PHF21A: variants seen among roughly 807,000 people sequenced by gnomAD.
PHF21A encodes BHC80a.
In PHF21A, 11 loss-of-function variants were observed where a neutral mutation model predicts 82.5. The ratio of observed to expected loss-of-function variants is 0.13; its 90% CI spans 0.08 to 0.22. The LOEUF (loss-of-function observed/expected upper bound fraction) is 0.22, where lower values mean the gene tolerates loss of function less well. Among genes scored for constraint, PHF21A ranks in the 10% least tolerant of loss-of-function variants. PHF21A has a pLI of 1.00. For synonymous variants in PHF21A, 297 were observed against 302.8 expected (o/e 0.98, Z 0.20); for missense variants, 579 against 837.8 (o/e 0.69, Z 3.81).
chr11:46,065,749 C>T (rs938106064), intron 6 of PHF21A, among the ~76,000 whole-genome samples: 1 of 152,196 alleles, frequency 6.6e-6, no homozygotes, highest in Non-Finnish European at 1.5e-5. Flanking sequence ...GTTGTTTAAG[C>T]GCCACTGTGT....
chr11:46,013,851 C>T (rs577496419), intron 6 of PHF21A, among the ~76,000 whole-genome samples: 13 of 151,988 alleles, frequency 8.6e-5, no homozygotes, highest in African/African-American at 2.2e-4. Flanking sequence ...AGATGAAAAA[C>T]GGTAAACCAG....
intron 3 of PHF21A, among the ~76,000 whole-genome samples, chr11:46,084,664 T>C (rs1239283955): frequency 6.9e-6 from 1 of 144,774 alleles, no homozygotes; most frequent in Non-Finnish European, 1.5e-5. Context: ...AAGAGACATA[T>C]AACAACAGAA....
intron 3 of PHF21A, among the ~76,000 whole-genome samples, chr11:46,087,617 C>G (rs1032785883): frequency 2.0e-5 from 3 of 152,096 alleles, no homozygotes; most frequent in Admixed American, 6.6e-5. Context: ...CGGAAAGAAA[C>G]AAATTACAGA....
At chr11:46,032,465 C>G (rs1347620120) in intron 6 of PHF21A, among the ~76,000 whole-genome samples, 1 of 141,120 alleles carries the variant, frequency 7.1e-6, no homozygotes, top group Non-Finnish European at 1.5e-5. Flanking sequence ...AGTGCACTCA[C>G]AAATACACCA....
At chr11:46,020,369 C>T (rs2095604287) in intron 6 of PHF21A, among the ~76,000 whole-genome samples, 1 of 152,160 alleles carries the variant, frequency 6.6e-6, no homozygotes, top group Admixed American at 6.5e-5. Context: ...AGAACTGCCA[C>T]CAAGAACCAG....
At chr11:46,105,294 C>A (rs2097141203) in intron 1 of PHF21A, among the ~76,000 whole-genome samples, 1 of 152,178 alleles carries the variant, frequency 6.6e-6, no homozygotes, top group Non-Finnish European at 1.5e-5. Flanking sequence ...AACCTTTTTA[C>A]CAAATTACTA....
intron 18 of PHF21A, chr11:45,935,008 G>A (rs778497261): frequency 6.5e-6 from 5 of 763,938 alleles, no homozygotes; most frequent in Non-Finnish European, 9.8e-6. Context: ...CAACAAGGGT[G>A]ACCTACTCAA....
intron 5 of PHF21A, among the ~76,000 whole-genome samples, chr11:46,078,339 T>C (rs1224154108): frequency 6.6e-6 from 1 of 152,230 alleles, no homozygotes; most frequent in Non-Finnish European, 1.5e-5. Flanking sequence ...GTGAAGCCTG[T>C]ATGTACTGTT....
intron 6 of PHF21A, among the ~76,000 whole-genome samples, chr11:46,047,873 C>T (rs955320311): frequency 6.6e-6 from 1 of 152,174 alleles, no homozygotes; most frequent in Non-Finnish European, 1.5e-5. Flanking sequence ...CATTATTAGG[C>T]TGGTATTCTT....
At position 45,971,890 on chromosome 11, in the gene PHF21A, C is replaced by CTTTCTTT. The variant is rs57081937; in HGVS notation, c.361-524_361-523insAAAGAAA. ...GTAAAAGGACAGTGTCTTTTTCTTT[C>CTTTCTTT]TTTTTTTTTTTTTTTATGGTGTCAC... On this transcript the variant is annotated intron_variant, in intron 7 of 18. Transcript: ENST00000676320. 5.6e-4 allele frequency among the ~76,000 whole-genome samples: 28 copies of CTTTCTTT among 50,300 alleles called. 7 individuals carry two copies. The highest frequency in any genetic ancestry group is 7.7e-4 in the Non-Finnish European group (20 of 25,832). 33.0% of individuals were successfully genotyped at this position (50,300 alleles called of 152,430 possible).
intron 6 of PHF21A, among the ~76,000 whole-genome samples, chr11:45,997,532 T>C (rs185216341): frequency 2.0e-5 from 3 of 152,318 alleles, no homozygotes; most frequent in Non-Finnish European, 2.9e-5. Flanking sequence ...GGTTTCTCAA[T>C]GTCTAGATCC....
At chr11:46,072,373 C>T (rs1288170746) in intron 6 of PHF21A, among the ~76,000 whole-genome samples, 1 of 152,162 alleles carries the variant, frequency 6.6e-6, no homozygotes, top group Non-Finnish European at 1.5e-5. Flanking sequence ...AGGGCTTGCT[C>T]TTTGTTGCTT....
intron 6 of PHF21A, among the ~76,000 whole-genome samples, chr11:45,999,980 C>T (rs1442804621): frequency 6.6e-6 from 1 of 152,186 alleles, no homozygotes; most frequent in East Asian, 1.9e-4. Flanking sequence ...ACTAAACAAC[C>T]AGCAACATCT....
At chr11:46,062,009 A>C (rs1028023399) in intron 6 of PHF21A, among the ~76,000 whole-genome samples, 1 of 152,146 alleles carries the variant, frequency 6.6e-6, no homozygotes, top group Non-Finnish European at 1.5e-5. Flanking sequence ...CATCATTCCA[A>C]TGACTGCTAG....
intron 1 of PHF21A, among the ~76,000 whole-genome samples, chr11:46,108,375 A>C (rs533955375): frequency 1.3e-5 from 2 of 152,112 alleles, no homozygotes; most frequent in South Asian, 4.1e-4. Context: ...ATGAGGTACA[A>C]TCAATCTAAG....
intron 6 of PHF21A, among the ~76,000 whole-genome samples, chr11:46,050,638 C>G (rs892133911): frequency 6.6e-6 from 1 of 152,130 alleles, no homozygotes; most frequent in Non-Finnish European, 1.5e-5. Context: ...AACTATTAAG[C>G]ACAATGTTCA....
At chr11:46,018,813 T>A (rs1159965330) in intron 6 of PHF21A, among the ~76,000 whole-genome samples, 3 of 152,216 alleles carry the variant, frequency 2.0e-5, no homozygotes, top group African/African-American at 7.2e-5. Flanking sequence ...CAGATGGTGA[T>A]AACTCACTTA....
chr11:46,071,384 C>G (rs2096654905), intron 6 of PHF21A, among the ~76,000 whole-genome samples: 1 of 152,146 alleles, frequency 6.6e-6, no homozygotes, highest in Non-Finnish European at 1.5e-5. Context: ...AGGTGCCTGG[C>G]CAAGTACAGC....
intron 6 of PHF21A, among the ~76,000 whole-genome samples, chr11:46,063,786 C>T (rs544579728): frequency 1.4e-4 from 21 of 152,222 alleles, no homozygotes; most frequent in African/African-American, 4.8e-4. Flanking sequence ...ACTGATGAGG[C>T]TTAGGGGCAG....
Sources: gnomAD v4.1 joint callset for allele counts (sites outside exome capture counted in the v4.1 genomes callset) on GRCh38, gnomAD v4.1.1 for gene constraint, MANE v1.5 for transcripts, NCBI Gene and HGNC (gene_info 2026-07-23, HGNC 2026-07-21) for gene names.